SH3TC2: variants seen among roughly 807,000 people sequenced by gnomAD.
The protein encoded by SH3TC2 is SH3 domain and tetratricopeptide repeat-containing protein 2.
A neutral mutation model predicts 124.5 loss-of-function variants in SH3TC2; 87 were observed. The ratio of observed to expected loss-of-function variants is 0.70; its 90% confidence interval spans 0.59 to 0.84. The LOEUF is 0.84. SH3TC2 is among the 40% of genes least tolerant of loss of function. SH3TC2 has a pLI of 0.00. For synonymous variants in SH3TC2, 634 were observed against 628.5 expected, an observed-to-expected ratio of 1.01 and a Z score of -0.13; for missense variants, 1,536 against 1,566.4, an observed-to-expected ratio of 0.98 and a Z score of 0.33.
rs563141322 is a variant in SH3TC2 at position 149,003,916 on chromosome 5, A to T, written c.*795T>A. 4.4e-5 allele frequency: 14 copies of T among 315,838 alleles called. No homozygotes were observed. The highest frequency in any genetic ancestry group is 2.4e-4 in the African/African-American group (11 of 45,506). 19.6% of individuals were successfully genotyped at this position (315,838 alleles called of 1,614,324 possible). A position where few individuals can be genotyped will look rare whatever the true frequency, so the allele number is the denominator to read the frequency against. On this transcript the variant is annotated 3_prime_UTR_variant, in exon 17 of 17. Coordinates refer to ENST00000515425, the MANE Select transcript of SH3TC2 (RefSeq NM_024577.4). ...TCCCATCCATCAAGTCCTCCATCTC[A>T]TCTGCCCCCATTGTGGATGAGACAA...
intron 1 of SH3TC2, among the ~76,000 whole-genome samples, chr5:149,056,036 T>C (rs1240832181): frequency 1.3e-5 from 2 of 152,242 alleles, no homozygotes; most frequent in Non-Finnish European, 2.9e-5. Context: ...ACACATGATT[T>C]CATGCACAAT....
Position 149,028,691 on chromosome 5 carries a change from G to A in SH3TC2, c.1163C>T (p.Pro388Leu), listed in dbSNP as rs146364285. ...TCGCTACTCACCACTCAGATCATTT[G>A]GAGGATTCTGGATGGATTCAAACCC... ...LSGFESIQNP[P>L]NDLSASQPEG... Residue 388 changes from proline to leucine, a missense_variant, in exon 10 of 17, where the codon CCA (proline) becomes CTA (leucine). Pro to Leu is a moderately conservative substitution (Grantham distance 98, BLOSUM62 -3). Coordinates refer to ENST00000515425, the MANE Select transcript of SH3TC2 (RefSeq NM_024577.4). 1.3e-5 allele frequency: 21 copies of A among 1,614,078 alleles called. No homozygotes were observed. The African/African-American group carries it at 2.7e-4, about 21-fold the overall frequency.
In SH3TC2 at chr5:149,031,547, C is replaced by T. The variant is rs779832428; in HGVS notation, c.1135+7G>A. The T allele has an allele frequency of 6.2e-7, 1 of 1,613,994 alleles. No homozygotes were observed. The highest frequency in any genetic ancestry group is 8.5e-7 in the Non-Finnish European group (1 of 1,180,026). The stretch of plus-strand genomic sequence containing the variant: ...GCTTTTGAAGGTGTCTGAGGACCAA[C>T]ACTCACTGAGCCGGTAGACAGATGT... On this transcript the variant is annotated splice_region_variant and intron_variant, in intron 9 of 16. Coordinates refer to ENST00000515425, the MANE Select transcript of SH3TC2 (RefSeq NM_024577.4).
At chr5:149,049,414 T>A (rs934435908) in intron 2 of SH3TC2, among the ~76,000 whole-genome samples, 1 of 152,202 alleles carries the variant, frequency 6.6e-6, no homozygotes. Context: ...CACCTCTCTA[T>A]GCATGGCTTT....
chr5:149,010,703 T>C (rs1753770286), intron 13 of SH3TC2, among the ~76,000 whole-genome samples: 1 of 152,150 alleles, frequency 6.6e-6, no homozygotes, highest in African/African-American at 2.4e-5. Flanking sequence ...AAACTAATAA[T>C]GCATCCAACC....
intron 7 of SH3TC2, among the ~76,000 whole-genome samples, chr5:149,039,718 T>C (rs1042646034): frequency 1.6e-4 from 24 of 152,274 alleles, no homozygotes; most frequent in African/African-American, 5.8e-4. Flanking sequence ...ATAGGGCAGG[T>C]GGATTGGCCA....
chr5:149,005,775 A>C (rs1580886940), intron 16 of SH3TC2, among the ~76,000 whole-genome samples: 1 of 152,354 alleles, frequency 6.6e-6, no homozygotes, highest in East Asian at 1.9e-4. Context: ...AAAGGACAGC[A>C]GAGCTGCCCT....
intron 15 of SH3TC2, 109 bp from the exon 16 acceptor site, chr5:149,007,186 G>A (rs1753705828): frequency 1.0e-6 from 1 of 988,770 alleles, no homozygotes; most frequent in Non-Finnish European, 1.6e-6. Flanking sequence ...GTCAGGGACT[G>A]TGCTGGGGCA....
Position 148,991,332 on chromosome 5 carries a change from C to T in SH3TC2, c.*13379G>A, listed in dbSNP as rs1194234041. Among the ~76,000 whole-genome samples, 1 of 152,202 alleles carries T rather than the reference C, an allele frequency of 6.6e-6. No individual in the cohort carries two copies. Among genetic ancestry groups the T allele is most frequent in the Non-Finnish European group, 1.5e-5 (1 of 68,050 alleles). The stretch of plus-strand genomic sequence containing the variant: ...TCACTAGGGTAATGTGTACCCCTTG[C>T]TGTGCTCTGAAGAAGAGGGTCAATT... On this transcript the variant is annotated 3_prime_UTR_variant, in exon 17 of 17. Transcript: ENST00000515425.
At chr5:149,018,696 C>A (rs1321421402) in intron 12 of SH3TC2, among the ~76,000 whole-genome samples, 3 of 152,166 alleles carry the variant, frequency 2.0e-5, no homozygotes, top group Non-Finnish European at 4.4e-5. Flanking sequence ...GGGGATACAG[C>A]CAAACCATGT....
At chr5:149,015,465 CA>C (rs1330035934) in intron 12 of SH3TC2, among the ~76,000 whole-genome samples, 4 of 152,174 alleles carry the variant, frequency 2.6e-5, no homozygotes, top group Non-Finnish European at 5.9e-5. Context: ...CTTCCAAAGC[CA>C]AAGAAGCATG....
rs539916520 is a variant in SH3TC2 at position 149,013,898 on chromosome 5, T to C, written c.3054-1164A>G. On this transcript the variant is annotated intron_variant, in intron 12 of 16. Coordinates refer to ENST00000515425, the MANE Select transcript of SH3TC2 (RefSeq NM_024577.4). ...TTCCCAGTGTGTTGCAACTTTATGA[T>C]AGCCTGAGCACCAGGGTCTCGGAAT... Among the ~76,000 whole-genome samples, 5 of 152,320 alleles carry C rather than the reference T, an allele frequency of 3.3e-5. No individual in the cohort carries two copies. In the East Asian group the frequency reaches 9.6e-4, roughly 29 times the overall value.
chr5:149,037,528 C>T (rs1238291723), intron 8 of SH3TC2, among the ~76,000 whole-genome samples: 3 of 152,182 alleles, frequency 2.0e-5, no homozygotes, highest in African/African-American at 7.2e-5. Context: ...CTGTTCAGAT[C>T]GTTAGACATT....
intron 1 of SH3TC2, among the ~76,000 whole-genome samples, chr5:149,057,200 GC>G (rs1754663249): frequency 1.3e-5 from 2 of 151,984 alleles, no homozygotes; most frequent in Admixed American, 6.5e-5. Flanking sequence ...TTTGTCAATT[GC>G]CCCAGTAATA....
intron 12 of SH3TC2, among the ~76,000 whole-genome samples, chr5:149,019,249 T>C (rs1414058302): frequency 6.6e-6 from 1 of 152,180 alleles, no homozygotes; most frequent in Admixed American, 6.5e-5. Context: ...CCCGGGTGCA[T>C]AGAAACACCC....
chr5:149,059,240 C>A (rs183140), intron 1 of SH3TC2, among the ~76,000 whole-genome samples: 49,705 of 151,898 alleles, frequency 0.33, 9,187 homozygotes, highest in African/African-American at 0.49. Flanking sequence ...TTAACAAAAG[C>A]GCCAGAGGCC....
chr5:148,991,712 A>G lies in SH3TC2; in HGVS notation c.*12999T>C, dbSNP rs961759889. Among the ~76,000 whole-genome samples the G allele has an allele frequency of 3.3e-5, 5 of 152,190 alleles. No homozygotes were observed. Among genetic ancestry groups the G allele is most frequent in the African/African-American group, 1.2e-4 (5 of 41,452 alleles). On this transcript the variant is annotated 3_prime_UTR_variant, in exon 17 of 17. Coordinates refer to ENST00000515425, the MANE Select transcript of SH3TC2 (RefSeq NM_024577.4). ...ATCAGTGTGACTAATTTCCAGGTAG[A>G]ATGAGAGGCTCTTGCAAACTGCTTT...
intron 15 of SH3TC2, chr5:149,007,547 G>A (rs1159117722): frequency 7.9e-6 from 2 of 253,328 alleles, no homozygotes; most frequent in African/African-American, 4.5e-5. Flanking sequence ...TCACACAAAA[G>A]TCTCTCTCTT....
chr5:149,027,409 C>T lies in SH3TC2; in HGVS notation c.2323G>A (p.Gly775Ser), dbSNP rs559578990. The change falls in exon 11 of 17, where the codon GGT becomes AGT. Residue 775 changes from glycine (G) to serine (S), a missense_variant. Coordinates refer to ENST00000515425, the MANE Select transcript of SH3TC2 (RefSeq NM_024577.4). Reference protein sequence around the residue: ...KVYLEHRSPDGAIHYLSQALV... With the variant: ...KVYLEHRSPDSAIHYLSQALV... ...GCCTGGCTCAGGTAGTGGATGGCACCGTCAGGAGACCTGTGCTCGAGGTAC... is the reference window on the plus strand; with the variant it reads ...GCCTGGCTCAGGTAGTGGATGGCACTGTCAGGAGACCTGTGCTCGAGGTAC... 59 of 1,614,126 alleles carry T rather than the reference C, an allele frequency of 3.7e-5. 1 individual carries two copies. In the South Asian group the frequency reaches 3.8e-4, roughly 11 times the overall value.
Sources: allele counts gnomAD v4.1 joint callset (sites outside exome capture counted in the v4.1 genomes callset), GRCh38; gene constraint gnomAD v4.1.1; transcripts MANE v1.5; gene names NCBI Gene and HGNC (gene_info 2026-07-23, HGNC 2026-07-21).